The following LYPD6 variants were observed in gnomAD, a reference collection of about 807,000 sequenced individuals.
LYPD6 encodes LY6/PLAUR domain containing 6, also known as ly6/PLAUR domain-containing protein 6.
A neutral mutation model predicts 22.7 loss-of-function variants in LYPD6; 15 were observed. The observed-to-expected ratio is 0.66, with a 90% confidence interval of 0.44 to 1.02. LYPD6 has a LOEUF of 1.02. LYPD6 is among the 50% of genes least tolerant of loss of function. The pLI is 0.00. For synonymous variants in LYPD6, 72 were observed against 77.5 expected, an observed-to-expected ratio of 0.93 and a Z score of 0.37; for missense variants, 189 against 208.4, an observed-to-expected ratio of 0.91 and a Z score of 0.57.
chr2:149,339,414 G>T (rs1383481789), intron 1 of LYPD6, among the ~76,000 whole-genome samples: 1 of 152,164 alleles, frequency 6.6e-6, no homozygotes, highest in East Asian at 1.9e-4. Context: ...GTCTCATAGG[G>T]ATGTGCCCAG....
intron 1 of LYPD6, among the ~76,000 whole-genome samples, chr2:149,368,362 C>A (rs2105075021): frequency 6.6e-6 from 1 of 152,162 alleles, no homozygotes; most frequent in East Asian, 1.9e-4. Context: ...TAGGGGACTT[C>A]TTGGAAAGTA....
chr2:149,331,227 G>A (rs538414856), intron 1 of LYPD6, among the ~76,000 whole-genome samples: 12 of 152,240 alleles, frequency 7.9e-5, no homozygotes, highest in Non-Finnish European at 1.8e-4. Flanking sequence ...CCTCCCCGCC[G>A]CTGCAAGACC....
chr2:149,460,482 A>G (rs1483789415), intron 3 of LYPD6, among the ~76,000 whole-genome samples: 2 of 152,188 alleles, frequency 1.3e-5, no homozygotes, highest in East Asian at 1.9e-4. Context: ...GCTGAAAAAT[A>G]TGTGCAACAG....
At chr2:149,354,713 G>C (rs1681420115) in intron 1 of LYPD6, among the ~76,000 whole-genome samples, 1 of 152,114 alleles carries the variant, frequency 6.6e-6, no homozygotes. Context: ...ACAGCATAAG[G>C]GGGCTTGGAA....
chr2:149,332,385 T>C (rs1680955767), intron 1 of LYPD6, among the ~76,000 whole-genome samples: 1 of 152,218 alleles, frequency 6.6e-6, no homozygotes, highest in South Asian at 2.1e-4. Flanking sequence ...TGACAGTCTT[T>C]GTAAGGTGAA....
chr2:149,406,163 C>A (rs915263423), intron 1 of LYPD6, among the ~76,000 whole-genome samples: 23 of 149,330 alleles, frequency 1.5e-4, no homozygotes, highest in South Asian at 2.1e-4. Context: ...AGTATGTGGT[C>A]AATTTTGGAA....
intron 1 of LYPD6, among the ~76,000 whole-genome samples, chr2:149,411,304 ATT>A (rs879532951): frequency 6.8e-6 from 1 of 147,100 alleles, no homozygotes; most frequent in Non-Finnish European, 1.5e-5. Flanking sequence ...ATGTGTGTGT[ATT>A]TTTTTTTTTT....
chr2:149,382,749 A>T (rs1448042328), intron 1 of LYPD6, among the ~76,000 whole-genome samples: 1 of 72,744 alleles, frequency 1.4e-5, no homozygotes, highest in Admixed American at 1.6e-4. Flanking sequence ...ATTTTAGAAC[A>T]TCTGTAGAAA....
In LYPD6 at chr2:149,357,037, G is replaced by C. The variant is rs572808077; in HGVS notation, c.-72+26315G>C. On this transcript the variant is annotated intron_variant, in intron 1 of 4. Coordinates refer to ENST00000334166, the MANE Select transcript of LYPD6 (RefSeq NM_194317.5). ...TATTTGCTTAAATAGGAGCCATTCT[G>C]TGTTTTTTCCCCAAGTTAATGGTGC... Among the ~76,000 whole-genome samples, 24 of 152,150 alleles carry C rather than the reference G, an allele frequency of 1.6e-4. 1 individual carries two copies. The highest frequency in any genetic ancestry group is 2.6e-4 in the Non-Finnish European group (18 of 68,018).
Position 149,472,149 on chromosome 2 carries a change from T to TA in LYPD6, c.*1305dup, listed in dbSNP as rs1393361243. The TA allele has an allele frequency of 1.3e-5, 2 of 152,332 alleles. No homozygotes were observed. Among genetic ancestry groups the TA allele is most frequent in the East Asian group, 3.9e-4 (2 of 5,186 alleles). The allele number at this position is 152,332 out of a possible 1,614,324, so 9.4% of individuals were successfully genotyped here. On this transcript the variant is annotated 3_prime_UTR_variant, in exon 5 of 5. Coordinates refer to ENST00000334166, the MANE Select transcript of LYPD6 (RefSeq NM_194317.5). ...CATAACTAGAAACTAAAATATATTC[T>TA]AAAAAATTCATTATTCTGAACAAAG... is the stretch of plus-strand genomic sequence containing the variant.
At chr2:149,348,534 A>C (rs1681301854) in intron 1 of LYPD6, among the ~76,000 whole-genome samples, 1 of 152,214 alleles carries the variant, frequency 6.6e-6, no homozygotes, top group Non-Finnish European at 1.5e-5. Context: ...CAGAAATGCA[A>C]AAGTGCTGTG....
chr2:149,389,534 G>A (rs1439486908), intron 1 of LYPD6, among the ~76,000 whole-genome samples: 2 of 152,116 alleles, frequency 1.3e-5, no homozygotes, highest in Non-Finnish European at 2.9e-5. Context: ...AATGGCCTGA[G>A]GGAACATCTG....
chr2:149,461,572 AAC>A (rs777703385), intron 3 of LYPD6, among the ~76,000 whole-genome samples: 4 of 151,928 alleles, frequency 2.6e-5, no homozygotes, highest in Non-Finnish European at 5.9e-5. Flanking sequence ...AAACCAGACC[AAC>A]ACAGCACCAA....
chr2:149,414,633 A>C (rs1306258505), intron 1 of LYPD6, among the ~76,000 whole-genome samples: 1 of 152,226 alleles, frequency 6.6e-6, no homozygotes, highest in Non-Finnish European at 1.5e-5. Flanking sequence ...CATAACTAGC[A>C]CAGGGCTTGG....
At chr2:149,356,442 A>G (rs1349497310) in intron 1 of LYPD6, among the ~76,000 whole-genome samples, 6 of 152,208 alleles carry the variant, frequency 3.9e-5, no homozygotes, top group Non-Finnish European at 7.3e-5. Flanking sequence ...CCTTCCCTAC[A>G]TGGACACATC....
At chr2:149,431,193 A>G (rs1422076948) in intron 1 of LYPD6, among the ~76,000 whole-genome samples, 1 of 152,244 alleles carries the variant, frequency 6.6e-6, no homozygotes, top group Non-Finnish European at 1.5e-5. Flanking sequence ...ATGAGAGTGT[A>G]CTTCTTCATA....
chr2:149,440,693 C>CTTTTT lies in LYPD6; in HGVS notation c.118+2888_118+2892dup, dbSNP rs764789006. ...CCAGAACTTCGTTTATTCTGTCCAC[C>CTTTTT]TTTTTTTTTTTTTTTTTTTTTTTTT... is the stretch of plus-strand genomic sequence containing the variant. On this transcript the variant is annotated intron_variant, in intron 2 of 4. Coordinates refer to ENST00000334166, the MANE Select transcript of LYPD6 (RefSeq NM_194317.5). Among the ~76,000 whole-genome samples, 55 of 91,094 alleles carry CTTTTT rather than the reference C, an allele frequency of 6.0e-4. 1 individual carries two copies. The highest frequency in any genetic ancestry group is 6.8e-4 in the Non-Finnish European group (35 of 51,280). The allele number at this position is 91,094 out of a possible 152,430, so 59.8% of individuals were successfully genotyped here.
intron 1 of LYPD6, among the ~76,000 whole-genome samples, chr2:149,352,974 T>G (rs1408470227): frequency 6.6e-6 from 1 of 152,186 alleles, no homozygotes; most frequent in African/African-American, 2.4e-5. Context: ...CATGGAACAC[T>G]TGAGCAGATC....
chr2:149,374,027 T>A (rs1681865653), intron 1 of LYPD6, among the ~76,000 whole-genome samples: 1 of 152,198 alleles, frequency 6.6e-6, no homozygotes, highest in African/African-American at 2.4e-5. Flanking sequence ...TGATAATTGA[T>A]TCATATTGCT....
Sources: gnomAD v4.1 joint callset for allele counts (sites outside exome capture counted in the v4.1 genomes callset) on GRCh38, gnomAD v4.1.1 for gene constraint, MANE v1.5 for transcripts, NCBI Gene and HGNC (gene_info 2026-07-23, HGNC 2026-07-21) for gene names.